Variants in ITGA11 observed in about 807,000 individuals in gnomAD.
ITGA11 encodes integrin subunit alpha 11.
In ITGA11, 97 loss-of-function variants were observed where a neutral mutation model predicts 141.9. The ratio of observed to expected loss-of-function variants is 0.68; its 90% confidence interval spans 0.58 to 0.81. The LOEUF (loss-of-function observed/expected upper bound fraction) is 0.81, where lower values mean the gene tolerates loss of function less well. Ranked by LOEUF, ITGA11 falls within the 30% of genes least tolerant of loss-of-function variation. ITGA11 has a pLI of 0.00. For synonymous variants in ITGA11, 658 were observed against 624.6 expected, an observed-to-expected ratio of 1.05 and a Z score of -0.80; for missense variants, 1,387 against 1,559.2, an observed-to-expected ratio of 0.89 and a Z score of 1.86.
chr15:68,373,932 G>T (rs930411347), intron 2 of ITGA11, among the ~76,000 whole-genome samples: 2 of 152,090 alleles, frequency 1.3e-5, no homozygotes, highest in African/African-American at 2.4e-5. Context: ...ACTACCACTG[G>T]GCTTTTCAGA....
At chr15:68,345,568 C>A (rs763286739) in intron 10 of ITGA11, among the ~76,000 whole-genome samples, 3 of 152,240 alleles carry the variant, frequency 2.0e-5, no homozygotes, top group Non-Finnish European at 4.4e-5. Flanking sequence ...GGCCTTTCTT[C>A]TGCCATCTGA....
intron 2 of ITGA11, among the ~76,000 whole-genome samples, chr15:68,377,636 T>C (rs549839712): frequency 1.3e-5 from 2 of 152,358 alleles, no homozygotes; most frequent in Non-Finnish European, 2.9e-5. Flanking sequence ...GAAACTACTA[T>C]AGCAGCAGGG....
In ITGA11 at chr15:68,320,246, T is replaced by A; in HGVS notation, c.2555A>T (p.Tyr852Phe). The A allele has an allele frequency of 6.2e-7, 1 of 1,614,074 alleles. No homozygotes were observed. The highest frequency in any genetic ancestry group is 2.2e-5 in the East Asian group (1 of 44,892). Residue 852 changes from tyrosine (Y) to phenylalanine (F), a missense_variant, in exon 20 of 30, where the codon TAC (tyrosine) becomes TTC (phenylalanine). Physicochemically the swap from Tyr to Phe is conservative, Grantham distance 22. Transcript: ENST00000315757. Reference sequence around the variant, plus strand: ...CTGCGAGATATTTAGGACCGTGCTGTAGGCGTTCTCGCCCCTGTTCTCCAG... The same window carrying A: ...CTGCGAGATATTTAGGACCGTGCTGAAGGCGTTCTCGCCCCTGTTCTCCAG... ...ATLENRGENA[Y>F]STVLNISQSA... is the part of the protein sequence containing the mutation.
intron 10 of ITGA11, among the ~76,000 whole-genome samples, chr15:68,347,888 ACT>A (rs1355081340): frequency 1.3e-5 from 2 of 149,004 alleles, no homozygotes; most frequent in African/African-American, 2.5e-5. Context: ...GAATAAGTAC[ACT>A]CTCATGGTGC....
intron 12 of ITGA11, among the ~76,000 whole-genome samples, chr15:68,334,799 C>T (rs1894292441): frequency 6.6e-6 from 1 of 152,290 alleles, no homozygotes; most frequent in Non-Finnish European, 1.5e-5. Flanking sequence ...ATAAATTCAT[C>T]AGCAAATTCC....
At chr15:68,342,609 A>C (rs1261809484) in intron 10 of ITGA11, among the ~76,000 whole-genome samples, 1 of 152,170 alleles carries the variant, frequency 6.6e-6, no homozygotes, top group Non-Finnish European at 1.5e-5. Flanking sequence ...AGGGTGTGTG[A>C]CCATATCTCT....
intron 20 of ITGA11, among the ~76,000 whole-genome samples, chr15:68,318,111 G>A (rs946162378): frequency 6.6e-6 from 1 of 152,132 alleles, no homozygotes. Flanking sequence ...AGAGAGGAGA[G>A]GAATGCTGAC....
At chr15:68,310,114 G>A (rs1469909812) in intron 26 of ITGA11, among the ~76,000 whole-genome samples, 2 of 152,172 alleles carry the variant, frequency 1.3e-5, no homozygotes, top group Non-Finnish European at 2.9e-5. Flanking sequence ...AAGTAATCAT[G>A]ATTAAGGTAA....
intron 2 of ITGA11, among the ~76,000 whole-genome samples, chr15:68,398,828 TATAA>T (rs1330870672): frequency 0.015 from 2 of 130 alleles, no homozygotes; most frequent in Non-Finnish European, 0.045. Flanking sequence ...TAGTATAAAA[TATAA>T]ATATTTTATA....
rs551214432 is a variant in ITGA11 at position 68,310,976 on chromosome 15, G to C, written c.3174+18C>G. On this transcript the variant is annotated intron_variant, in intron 26 of 29. Transcript: ENST00000315757. ...TCTAACCCCAACCACTGTGGCTCTCGGTCTGGGGGACACTCACCAGCTGTG... is the reference window on the plus strand; with the variant it reads ...TCTAACCCCAACCACTGTGGCTCTCCGTCTGGGGGACACTCACCAGCTGTG... 13 of 1,581,588 alleles carry C rather than the reference G, an allele frequency of 8.2e-6. No individual in the cohort carries two copies. Among genetic ancestry groups the C allele is most frequent in the East Asian group, 2.3e-5 (1 of 43,496 alleles).
rs768108594 is a variant in ITGA11 at position 68,328,158 on chromosome 15, A to T, written c.2006T>A (p.Leu669Gln). ...CKRSGRDATC[L>Q]AAFLCFTPIF... The stretch of plus-strand genomic sequence containing the variant: ...GGGCGTGAAGCAGAGGAAGGCGGCC[A>T]GGCAGGTGGCATCCCTGCCACTGCG... Residue 669 changes from leucine (L) to glutamine (Q), a missense_variant, in exon 16 of 30, where the codon CTG becomes CAG. Coordinates refer to ENST00000315757, the MANE Select transcript of ITGA11 (RefSeq NM_001004439.2). This position sits in a 1 kb window ranked among gnomAD's most constrained non-coding sequence, Gnocchi z 4.8. 1.9e-6 allele frequency: 3 copies of T among 1,613,820 alleles called. No individual in the cohort carries two copies. In the African/African-American group the frequency reaches 4.0e-5, roughly 22 times the overall value.
In ITGA11 at chr15:68,328,752, C is replaced by A. The variant is rs1175936941; in HGVS notation, c.1902-490G>T. Among the ~76,000 whole-genome samples, 2 of 152,140 alleles carry A rather than the reference C, an allele frequency of 1.3e-5. No homozygotes were observed. Among genetic ancestry groups the A allele is most frequent in the South Asian group, 2.1e-4 (1 of 4,818 alleles). On this transcript the variant is annotated intron_variant, in intron 15 of 29. Coordinates refer to ENST00000315757, the MANE Select transcript of ITGA11 (RefSeq NM_001004439.2). This position sits in a 1 kb window ranked among gnomAD's most constrained non-coding sequence, Gnocchi z 4.8. ...GCCCCCTGGGGATCATGTTAAAATG[C>A]AGATTTTGATCCAATAGCTTGGCAC... is the stretch of plus-strand genomic sequence containing the variant.
chr15:68,400,701 T>C (rs1415895419), intron 2 of ITGA11, among the ~76,000 whole-genome samples: 1 of 32,486 alleles, frequency 3.1e-5, no homozygotes, highest in Non-Finnish European at 4.7e-5. Context: ...TTATATATTA[T>C]ATAATAAATA....
In ITGA11 at chr15:68,357,217, G is replaced by C; in HGVS notation, c.683C>G (p.Ala228Gly). 6.2e-7 allele frequency: 1 copy of C among 1,613,882 alleles called. No individual in the cohort carries two copies. The highest frequency in any genetic ancestry group is 8.5e-7 in the Non-Finnish European group (1 of 1,179,884). The change falls in exon 7 of 30, where the codon GCT (alanine) becomes GGT (glycine). Residue 228 changes from alanine to glycine, a missense_variant. Physicochemically the swap from Ala to Gly is moderately conservative, Grantham distance 60 (BLOSUM62 0). Coordinates refer to ENST00000315757, the MANE Select transcript of ITGA11 (RefSeq NM_001004439.2). ...DYRSVKDVVE[A>G]ASHIEQRGGT... is the part of the protein sequence containing the mutation. ...TCCTCTCTGCTCAATGTGGCTGGCA[G>C]CTTCCACCACATCTTTTACAGACCT...
intron 3 of ITGA11, among the ~76,000 whole-genome samples, chr15:68,366,181 T>C (rs1895414864): frequency 6.6e-6 from 1 of 151,918 alleles, no homozygotes; most frequent in Non-Finnish European, 1.5e-5. Flanking sequence ...GGAGAGAAAA[T>C]AACAGTAAAG....
intron 2 of ITGA11, among the ~76,000 whole-genome samples, chr15:68,390,273 C>T (rs62001430): frequency 0.42 from 64,484 of 151,896 alleles, 14,959 homozygotes; most frequent in South Asian, 0.57. Context: ...CAGGTCTGCC[C>T]TCTTATCCTC....
chr15:68,318,135 G>A (rs1002336405), intron 20 of ITGA11, among the ~76,000 whole-genome samples: 1 of 152,162 alleles, frequency 6.6e-6, no homozygotes, highest in Admixed American at 6.5e-5. Context: ...ACAGCCATGA[G>A]CGTTTCCTGG....
rs1352014319 is a variant in ITGA11, at chr15:68,328,005, C to T, written c.2068+91G>A. On this transcript the variant is annotated intron_variant, in intron 16 of 29. Transcript: ENST00000315757. The surrounding 1 kb of genome is among the most constrained non-coding windows in gnomAD (Gnocchi z 4.8). ...CTTGGGCGACCTGGCACTTAGCACCCATTTTGGGAAAAGCCCAGGCTTTGA... is the reference window on the plus strand; with the variant it reads ...CTTGGGCGACCTGGCACTTAGCACCTATTTTGGGAAAAGCCCAGGCTTTGA... The T allele has an allele frequency of 1.5e-6, 2 of 1,319,872 alleles. No individual in the cohort carries two copies. Among genetic ancestry groups the T allele is most frequent in the Non-Finnish European group, 2.1e-6 (2 of 970,748 alleles). The allele number at this position is 1,319,872 out of a possible 1,614,324, so 81.8% of individuals were successfully genotyped here.
chr15:68,339,721 C>T, intron 10 of ITGA11, 77 bp from the exon 11 acceptor site: 1 of 1,553,162 alleles, frequency 6.4e-7, no homozygotes, highest in Non-Finnish European at 8.8e-7. Context: ...GGTCCTATGA[C>T]CAGTGACGCC....
Sources: gnomAD v4.1 joint callset for allele counts (sites outside exome capture counted in the v4.1 genomes callset) on GRCh38, gnomAD v4.1.1 for gene constraint, Gnocchi (gnomAD v3.1) non-coding constraint, MANE v1.5 for transcripts, NCBI Gene and HGNC (gene_info 2026-07-23, HGNC 2026-07-21) for gene names.